The following SCAPER variants were observed in gnomAD, a reference collection of about 807,000 sequenced individuals.
SCAPER encodes S-phase cyclin A associated protein in the ER.
SCAPER carries 98 observed loss-of-function variants against 182.2 expected under a neutral mutation model. The ratio of observed to expected loss-of-function variants is 0.54; its 90% CI spans 0.46 to 0.64. The LOEUF (loss-of-function observed/expected upper bound fraction) is 0.64. Ranked by LOEUF, SCAPER falls within the 30% of genes least tolerant of loss-of-function variation. The probability of loss-of-function intolerance (pLI) is 0.00; values close to 1 mark genes in which losing one functional copy is unlikely to be tolerated. For synonymous variants in SCAPER, 605 were observed against 564.6 expected, an observed-to-expected ratio of 1.07 and a Z score of -1.01; for missense variants, 1,432 against 1,690.0, an observed-to-expected ratio of 0.85 and a Z score of 2.68.
intron 22 of SCAPER, among the ~76,000 whole-genome samples, chr15:76,614,699 A>T (rs531990643): frequency 2.6e-5 from 4 of 152,330 alleles, no homozygotes; most frequent in African/African-American, 9.6e-5. Flanking sequence ...TTTATATTTA[A>T]CAAAGTAGAA....
At chr15:76,358,935 G>A (rs1366490410) in intron 29 of SCAPER, among the ~76,000 whole-genome samples, 1 of 152,194 alleles carries the variant, frequency 6.6e-6, no homozygotes, top group Non-Finnish European at 1.5e-5. Flanking sequence ...AGGCAGCCCT[G>A]GGCTCTAGGT....
intron 5 of SCAPER, among the ~76,000 whole-genome samples, chr15:76,823,428 C>G (rs1198937740): frequency 6.6e-6 from 1 of 151,552 alleles, no homozygotes; most frequent in Non-Finnish European, 1.5e-5. Flanking sequence ...CCACTGCACT[C>G]CAGCCTGGGC....
rs115029060 is a variant in SCAPER at position 76,405,537 on chromosome 15, T to A, written c.3312-858A>T. Among the ~76,000 whole-genome samples, 761 of 152,262 alleles carry A rather than the reference T, an allele frequency of 5.0e-3. 10 individuals are homozygous for A. Among genetic ancestry groups the A allele is most frequent in the African/African-American group, 0.018 (728 of 41,554 alleles). On this transcript the variant is annotated intron_variant, in intron 26 of 31. Coordinates refer to ENST00000563290, the MANE Select transcript of SCAPER (RefSeq NM_020843.4). The stretch of plus-strand genomic sequence containing the variant: ...TACTGAAAAGTACCAGTCCTGAGGG[T>A]TGACAACAACATTTAAGAAATCATT...
intron 23 of SCAPER, chr15:76,567,179 A>G: frequency 3.6e-6 from 1 of 276,978 alleles, no homozygotes; most frequent in East Asian, 1.1e-4. Context: ...TTGTTTCACT[A>G]AAAAGAGTTT....
chr15:76,447,588 G>A (rs563530555), intron 25 of SCAPER, among the ~76,000 whole-genome samples: 12 of 152,154 alleles, frequency 7.9e-5, no homozygotes, highest in Non-Finnish European at 1.3e-4. Context: ...TGTGTGTGTC[G>A]GAAGACCCCT....
chr15:76,589,710 C>T (rs1232822304), intron 22 of SCAPER, among the ~76,000 whole-genome samples: 1 of 152,110 alleles, frequency 6.6e-6, no homozygotes, highest in African/African-American at 2.4e-5. Flanking sequence ...GGAGACTTCG[C>T]GTTTGGTTGG....
In SCAPER at chr15:76,599,786, T is replaced by C. The variant is rs756388661; in HGVS notation, c.2711+21978A>G. ...AGTAAAGGGATTCACCAAGGACATA[T>C]AATAACCTTCTGGGATGATGATACT... On this transcript the variant is annotated intron_variant, in intron 22 of 31. Coordinates refer to ENST00000563290, the MANE Select transcript of SCAPER (RefSeq NM_020843.4). Among the ~76,000 whole-genome samples, 61 of 121,434 alleles carry C rather than the reference T, an allele frequency of 5.0e-4. 16 individuals carry two copies. The highest frequency in any genetic ancestry group is 2.6e-4 in the South Asian group (1 of 3,910). The allele number at this position is 121,434 out of a possible 152,430, so 79.7% of individuals were successfully genotyped here.
At chr15:76,372,977 T>A (rs2042286953) in intron 29 of SCAPER, among the ~76,000 whole-genome samples, 1 of 152,212 alleles carries the variant, frequency 6.6e-6, no homozygotes, top group South Asian at 2.1e-4. Context: ...AGATCAGGAA[T>A]AAATGTGATT....
chr15:76,371,471 C>T (rs541589093), intron 29 of SCAPER, among the ~76,000 whole-genome samples: 3 of 152,018 alleles, frequency 2.0e-5, no homozygotes, highest in African/African-American at 7.2e-5. Flanking sequence ...AGGCGTGTGC[C>T]ACCACGCTCG....
intron 17 of SCAPER, among the ~76,000 whole-genome samples, chr15:76,727,562 A>G (rs1456909170): frequency 6.6e-6 from 1 of 152,118 alleles, no homozygotes; most frequent in Non-Finnish European, 1.5e-5. Flanking sequence ...TAAGACTCCT[A>G]CCTCTAAATA....
intron 24 of SCAPER, among the ~76,000 whole-genome samples, chr15:76,502,687 G>A (rs550283107): frequency 5.3e-5 from 8 of 152,214 alleles, no homozygotes; most frequent in Non-Finnish European, 1.0e-4. Context: ...AAACCTGCAC[G>A]TTGTGCACAT....
chr15:76,397,474 C>CTTTTTTTTTT (rs71143321), intron 27 of SCAPER, among the ~76,000 whole-genome samples: 2 of 71,540 alleles, frequency 2.8e-5, no homozygotes, highest in Non-Finnish European at 5.0e-5. Context: ...TATTGGCAGA[C>CTTTTTTTTTT]TTTTTTTTTT....
At chr15:76,848,478 C>T (rs1472076504) in intron 4 of SCAPER, among the ~76,000 whole-genome samples, 1 of 151,870 alleles carries the variant, frequency 6.6e-6, no homozygotes, top group Admixed American at 6.6e-5. Flanking sequence ...GGACTACAGG[C>T]ACCCGCCACC....
intron 20 of SCAPER, among the ~76,000 whole-genome samples, chr15:76,691,732 C>G (rs1385442022): frequency 6.6e-6 from 1 of 152,074 alleles, no homozygotes; most frequent in Non-Finnish European, 1.5e-5. Flanking sequence ...ATGATGGGTA[C>G]AAAGAAATTT....
chr15:76,654,443 C>A (rs574641462), intron 21 of SCAPER, among the ~76,000 whole-genome samples: 1 of 152,246 alleles, frequency 6.6e-6, no homozygotes, highest in South Asian at 2.1e-4. Flanking sequence ...TCTCATACCA[C>A]TAACAATGCT....
At chr15:76,386,770 G>A (rs73450231) in intron 27 of SCAPER, among the ~76,000 whole-genome samples, 1 of 152,218 alleles carries the variant, frequency 6.6e-6, no homozygotes. Flanking sequence ...AGTGTGGCTA[G>A]AGCGGGTTGA....
chr15:76,752,935 A>T (rs1383813334), intron 15 of SCAPER, among the ~76,000 whole-genome samples: 1 of 151,584 alleles, frequency 6.6e-6, no homozygotes, highest in African/African-American at 2.4e-5. Flanking sequence ...ACATGTATTT[A>T]AAAAAAATGA....
At chr15:76,848,244 C>T (rs1412960723) in intron 4 of SCAPER, among the ~76,000 whole-genome samples, 1 of 151,998 alleles carries the variant, frequency 6.6e-6, no homozygotes, top group Admixed American at 6.5e-5. Flanking sequence ...AGGTGACCTG[C>T]CCACCTCAGC....
At chr15:76,887,159 T>A (rs1166752517) in intron 1 of SCAPER, among the ~76,000 whole-genome samples, 1 of 151,906 alleles carries the variant, frequency 6.6e-6, no homozygotes, top group Non-Finnish European at 1.5e-5. Context: ...AAAATAAAAG[T>A]TTCAAAAAAA....
Sources: allele counts gnomAD v4.1 joint callset (sites outside exome capture counted in the v4.1 genomes callset), GRCh38; gene constraint gnomAD v4.1.1; transcripts MANE v1.5; gene names NCBI Gene and HGNC (gene_info 2026-07-23, HGNC 2026-07-21).